Variants in ADGRB1 observed in about 807,000 individuals in gnomAD.
The protein encoded by ADGRB1 is brain-specific angiogenesis inhibitor 1.
Under a neutral mutation model 175.7 loss-of-function variants are expected in ADGRB1, and 36 were observed. The observed-to-expected ratio is 0.20, with a 90% CI of 0.16 to 0.27. The LOEUF (loss-of-function observed/expected upper bound fraction) is 0.27, where lower values mean the gene tolerates loss of function less well. Among genes scored for constraint, ADGRB1 ranks in the 10% least tolerant of loss-of-function variants. The pLI, the probability that ADGRB1 is intolerant of heterozygous loss-of-function variation, is 1.00. For missense variants in ADGRB1, 1,731 were observed against 2,255.3 expected, an observed-to-expected ratio of 0.77 and a Z score of 4.71; for synonymous variants, 1,054 against 979.4, an observed-to-expected ratio of 1.08 and a Z score of -1.42.
At chr8:142,477,344 G>A (rs1042197609) in intron 5 of ADGRB1, 41 bp from the exon 6 acceptor site, 35 of 1,385,706 alleles carry the variant, frequency 2.5e-5, no homozygotes, top group African/African-American at 9.4e-5. Context: ...CAGCGGGGGC[G>A]GTGGCCGCAG....
intron 26 of ADGRB1, among the ~76,000 whole-genome samples, chr8:142,538,308 A>G (rs370744873): frequency 1.3e-5 from 2 of 152,222 alleles, no homozygotes; most frequent in African/African-American, 4.8e-5. Context: ...GGGCCTCAGC[A>G]GATGGCATGT....
chr8:142,543,325 C>T lies in ADGRB1; in HGVS notation c.4414-78C>T. ...GCATGGGGCGAGTGAGTCCCTGATGCCCTCAGTCTGAGGCAGGGAGAGGCG... is the reference window on the plus strand; with the variant it reads ...GCATGGGGCGAGTGAGTCCCTGATGTCCTCAGTCTGAGGCAGGGAGAGGCG... On this transcript the variant is annotated intron_variant, in intron 28 of 30. Coordinates refer to ENST00000517894, the MANE Select transcript of ADGRB1 (RefSeq NM_001702.3). This position sits in a 1 kb window ranked among gnomAD's most constrained non-coding sequence, Gnocchi z 4.4. 4 of 1,571,258 alleles carry T rather than the reference C, an allele frequency of 2.5e-6. No homozygotes were observed. Among genetic ancestry groups the T allele is most frequent in the Non-Finnish European group, 3.5e-6 (4 of 1,148,922 alleles).
chr8:142,543,281 G>A lies in ADGRB1; in HGVS notation c.4414-122G>A. 1.5e-6 allele frequency: 2 copies of A among 1,344,906 alleles called. No homozygotes were observed. Among genetic ancestry groups the A allele is most frequent in the Non-Finnish European group, 2.1e-6 (2 of 965,366 alleles). 83.3% of individuals were successfully genotyped at this position (1,344,906 alleles called of 1,614,324 possible). A position where few individuals can be genotyped will look rare whatever the true frequency, so the allele number is the denominator to read the frequency against. ...CCCCCAGGCATGTCCCCTGGGTCTGGCCTGGTCCCTGAAGGCAGGCATGGG... is the reference window on the plus strand; with the variant it reads ...CCCCCAGGCATGTCCCCTGGGTCTGACCTGGTCCCTGAAGGCAGGCATGGG... On this transcript the variant is annotated intron_variant, in intron 28 of 30. Transcript: ENST00000517894. The surrounding 1 kb of genome is among the most constrained non-coding windows in gnomAD (Gnocchi z 4.4).
chr8:142,453,741 T>C (rs1398426623), intron 1 of ADGRB1, among the ~76,000 whole-genome samples: 1 of 152,050 alleles, frequency 6.6e-6, no homozygotes, highest in Non-Finnish European at 1.5e-5. Context: ...GCTGCGGGAA[T>C]ATGCAGGAAA....
At chr8:142,500,625 C>T (rs185224789) in intron 17 of ADGRB1, among the ~76,000 whole-genome samples, 7 of 151,944 alleles carry the variant, frequency 4.6e-5, no homozygotes, top group African/African-American at 1.7e-4. Context: ...CATCAAAGCC[C>T]CACCTTCCCA....
In ADGRB1 at chr8:142,518,139, A is replaced by T; in HGVS notation, c.2819A>T (p.Asn940Ile). The T allele has an allele frequency of 6.2e-7, 1 of 1,613,588 alleles. No individual in the cohort carries two copies. The highest frequency in any genetic ancestry group is 8.5e-7 in the Non-Finnish European group (1 of 1,179,758). The change falls in exon 19 of 31, where the codon AAC becomes ATC. Residue 940 changes from asparagine (N) to isoleucine (I), a missense_variant and splice_region_variant. Coordinates refer to ENST00000517894, the MANE Select transcript of ADGRB1 (RefSeq NM_001702.3). Reference sequence around the variant, plus strand: ...GCGGTCTCTTCCCGGTCCCCACAGAACATGGAGAAGGCGACTCTGCCGTCG... The same window carrying T: ...GCGGTCTCTTCCCGGTCCCCACAGATCATGGAGAAGGCGACTCTGCCGTCG... ...AILAQLSADANMEKATLPSVT... is the reference protein window; with the variant it reads ...AILAQLSADAIMEKATLPSVT...
intron 18 of ADGRB1, 37 bp from the exon 19 acceptor site, chr8:142,518,092 CGAGTGGGGT>C: frequency 6.3e-7 from 1 of 1,576,748 alleles, no homozygotes; most frequent in Non-Finnish European, 8.7e-7. Context: ...GCCGAGTGGG[CGAGTGGGGT>C]GCCTCACTCC....
In ADGRB1 at chr8:142,528,385, C is replaced by T. The variant is rs145017518; in HGVS notation, c.3398+1758C>T. ...CCCACCACAGCGCCCACGCCCCAGGCCTGAGTTCGTGAGGTGGCTGAGAGC... is the reference window on the plus strand; with the variant it reads ...CCCACCACAGCGCCCACGCCCCAGGTCTGAGTTCGTGAGGTGGCTGAGAGC... On this transcript the variant is annotated intron_variant, in intron 24 of 30. Coordinates refer to ENST00000517894, the MANE Select transcript of ADGRB1 (RefSeq NM_001702.3). 4.1e-4 allele frequency among the ~76,000 whole-genome samples: 63 copies of T among 152,310 alleles called. 2 individuals carry two copies. In the East Asian group the frequency reaches 9.3e-3, roughly 22 times the overall value.
chr8:142,529,773 CGT>C (rs1229321301), intron 24 of ADGRB1, among the ~76,000 whole-genome samples: 4 of 147,450 alleles, frequency 2.7e-5, no homozygotes, highest in African/African-American at 5.1e-5. Context: ...TGTGTGTGGA[CGT>C]GTGAGGATGC....
intron 24 of ADGRB1, among the ~76,000 whole-genome samples, chr8:142,529,350 G>C (rs558602680): frequency 1.3e-5 from 2 of 152,308 alleles, no homozygotes; most frequent in South Asian, 2.1e-4. Flanking sequence ...TTGTGTGTGT[G>C]TGTGTGCCCA....
At chr8:142,516,154 G>C (rs1002133496) in intron 18 of ADGRB1, among the ~76,000 whole-genome samples, 1 of 151,532 alleles carries the variant, frequency 6.6e-6, no homozygotes, top group African/African-American at 2.4e-5. Flanking sequence ...CGGGCCCCAG[G>C]TGTGCGTGTG....
chr8:142,536,396 C>A (rs933254007), intron 25 of ADGRB1, among the ~76,000 whole-genome samples: 3 of 152,156 alleles, frequency 2.0e-5, no homozygotes, highest in Non-Finnish European at 4.4e-5. Flanking sequence ...CTCTGCTGGC[C>A]GCTGGTCTTC....
rs575230594 is a variant in ADGRB1, at chr8:142,531,331, G to A, written c.3399-1964G>A. 3.7e-4 allele frequency among the ~76,000 whole-genome samples: 57 copies of A among 152,354 alleles called. No homozygotes were observed. The South Asian group carries it at 0.012, about 32-fold the overall frequency. Reference sequence around the variant, plus strand: ...AGGGCCTCCTCATCACAGGCCCTGTGCCAAGTGCAGGGACACAGCAGTGAG... The same window carrying A: ...AGGGCCTCCTCATCACAGGCCCTGTACCAAGTGCAGGGACACAGCAGTGAG... On this transcript the variant is annotated intron_variant, in intron 24 of 30. Transcript: ENST00000517894.
chr8:142,513,319 G>A (rs1228644699), intron 18 of ADGRB1, among the ~76,000 whole-genome samples: 1 of 152,144 alleles, frequency 6.6e-6, no homozygotes, highest in African/African-American at 2.4e-5. Context: ...GCAGGGGTGT[G>A]AGCTGACAGT....
In ADGRB1 at chr8:142,477,443, T is replaced by C; in HGVS notation, c.1281T>C (p.Arg427=). The part of the protein sequence containing the change: ...PWSLCSSTCG[R]GFRDRTRTCR... ...GCCTCTGCTCCAGCACCTGTGGCCGTGGCTTTCGGGATCGCACGCGCACCT... is the reference window on the plus strand; with the variant it reads ...GCCTCTGCTCCAGCACCTGTGGCCGCGGCTTTCGGGATCGCACGCGCACCT... Residue 427 remains arginine, a synonymous_variant, in exon 6 of 31, where the codon CGT becomes CGC. Coordinates refer to ENST00000517894, the MANE Select transcript of ADGRB1 (RefSeq NM_001702.3). 6.2e-7 allele frequency: 1 copy of C among 1,612,228 alleles called. No individual in the cohort carries two copies. Among genetic ancestry groups the C allele is most frequent in the South Asian group, 1.1e-5 (1 of 91,038 alleles).
At chr8:142,460,146 G>A (rs1839900257) in intron 1 of ADGRB1, among the ~76,000 whole-genome samples, 1 of 152,274 alleles carries the variant, frequency 6.6e-6, no homozygotes, top group Non-Finnish European at 1.5e-5. Context: ...TGCCCGCCTG[G>A]GCCTGCCTTG....
rs1028659202 is a variant in ADGRB1, at chr8:142,511,674, A to G, written c.2817+601A>G. On this transcript the variant is annotated intron_variant, in intron 18 of 30. Coordinates refer to ENST00000517894, the MANE Select transcript of ADGRB1 (RefSeq NM_001702.3). This position sits in a 1 kb window ranked among gnomAD's most constrained non-coding sequence, Gnocchi z 4.5. ...GGCTGCCGGTTTCTATGGAGACGGCATCTGGGGTCAGCCGCTGGCAGGGGC... is the reference window on the plus strand; with the variant it reads ...GGCTGCCGGTTTCTATGGAGACGGCGTCTGGGGTCAGCCGCTGGCAGGGGC... Among the ~76,000 whole-genome samples, 3 of 152,144 alleles carry G rather than the reference A, an allele frequency of 2.0e-5. No individual in the cohort carries two copies. Among genetic ancestry groups the G allele is most frequent in the Admixed American group, 2.0e-4 (3 of 15,288 alleles).
intron 25 of ADGRB1, 141 bp from the exon 26 acceptor site, chr8:142,536,846 G>T (rs1844955801): frequency 3.4e-6 from 2 of 585,770 alleles, no homozygotes; most frequent in East Asian, 6.5e-5. Flanking sequence ...ACCAGAGGTG[G>T]CCCTGTGGGG....
At chr8:142,533,227 A>G in intron 24 of ADGRB1, 68 bp from the exon 25 acceptor site, 2 of 1,385,266 alleles carry the variant, frequency 1.4e-6, no homozygotes, top group South Asian at 1.5e-5. Flanking sequence ...CTGGAGATGC[A>G]GGGTTCAGGG....
Sources: allele counts gnomAD v4.1 joint callset (sites outside exome capture counted in the v4.1 genomes callset), GRCh38; gene constraint gnomAD v4.1.1; non-coding constraint Gnocchi (gnomAD v3.1); transcripts MANE v1.5; gene names NCBI Gene and HGNC (gene_info 2026-07-23, HGNC 2026-07-21).